SCUBE2: variants seen among roughly 807,000 people sequenced by gnomAD.
SCUBE2 encodes signal peptide, CUB domain and EGF like domain containing 2, also known as signal peptide, CUB and EGF-like domain-containing protein 2.
SCUBE2 carries 114 observed loss-of-function variants against 125.9 expected under a neutral mutation model. The observed-to-expected ratio is 0.91, with a 90% CI of 0.78 to 1.06. The LOEUF (loss-of-function observed/expected upper bound fraction) is 1.06, where lower values mean the gene tolerates loss of function less well. Ranked by LOEUF, SCUBE2 falls within the 50% of genes least tolerant of loss-of-function variation. The pLI is 0.00. For missense variants in SCUBE2, 1,255 were observed against 1,301.8 expected (o/e 0.96, Z 0.55); for synonymous variants, 459 against 492.9 (o/e 0.93, Z 0.91).
chr11:9,053,556 G>A, intron 11 of SCUBE2, 81 bp downstream of exon 11: 8 of 1,525,938 alleles, frequency 5.2e-6, no homozygotes, highest in Admixed American at 1.7e-5. Flanking sequence ...GGTCAGGTGG[G>A]ATGTGGGAGC....
In SCUBE2 at chr11:9,021,907, T is replaced by G. The variant is rs376369922; in HGVS notation, c.2903A>C (p.Tyr968Ser). The G allele has an allele frequency of 6.2e-7, 1 of 1,614,008 alleles. No homozygotes were observed. The highest frequency in any genetic ancestry group is 1.7e-5 in the Admixed American group (1 of 60,028). Residue 968 changes from tyrosine (Y) to serine (S), a missense_variant, in exon 22 of 23, where the codon TAT (tyrosine) becomes TCT (serine). Coordinates refer to ENST00000649792, the MANE Select transcript of SCUBE2 (RefSeq NM_001367977.2). ...IEDIVRDGRLYASENHQEILK... is the reference protein window; with the variant it reads ...IEDIVRDGRLSASENHQEILK... The stretch of plus-strand genomic sequence containing the variant: ...TATTTCCTGATGGTTCTCAGATGCA[T>G]AGAGCCTGCCATCTCGAACTATGTC...
intron 2 of SCUBE2, among the ~76,000 whole-genome samples, chr11:9,083,233 A>G (rs1056894703): frequency 2.0e-5 from 3 of 152,076 alleles, no homozygotes; most frequent in African/African-American, 7.2e-5. Flanking sequence ...AAACAAATGA[A>G]CCTAATGTAT....
intron 6 of SCUBE2, 107 bp from the exon 7 acceptor site, chr11:9,066,087 A>T (rs1002036084): frequency 1.3e-6 from 1 of 745,356 alleles, no homozygotes. Context: ...AATGAAAGAT[A>T]TGTGACTCTG....
intron 2 of SCUBE2, among the ~76,000 whole-genome samples, chr11:9,081,725 C>T (rs892467282): frequency 6.6e-6 from 1 of 152,152 alleles, no homozygotes; most frequent in Non-Finnish European, 1.5e-5. Flanking sequence ...GTTGCTTATC[C>T]ACTCATCTGT....
intron 17 of SCUBE2, 76 bp from the exon 18 acceptor site, chr11:9,031,001 C>T (rs1233526434): frequency 7.1e-7 from 1 of 1,411,300 alleles, no homozygotes. Flanking sequence ...ATGAGACCAA[C>T]TTCAGTCCAA....
At chr11:9,082,025 C>A (rs1160183804) in intron 2 of SCUBE2, among the ~76,000 whole-genome samples, 2 of 152,202 alleles carry the variant, frequency 1.3e-5, no homozygotes, top group Non-Finnish European at 2.9e-5. Flanking sequence ...TAGTAGCCAT[C>A]CTAATGGATA....
intron 1 of SCUBE2, among the ~76,000 whole-genome samples, 163 bp from the exon 2 acceptor site, chr11:9,089,992 G>C (rs183779879): frequency 1.3e-5 from 2 of 152,022 alleles, no homozygotes; most frequent in Admixed American, 1.3e-4. Flanking sequence ...CTGGGTCCCT[G>C]TTTCCAGGAA....
At chr11:9,030,215 G>C in intron 18 of SCUBE2, 170 bp from the exon 19 acceptor site, 1 of 673,510 alleles carries the variant, frequency 1.5e-6, no homozygotes, top group Non-Finnish European at 2.5e-6. Flanking sequence ...AGGCAGTGTG[G>C]ATGGGGCTCA....
intron 16 of SCUBE2, among the ~76,000 whole-genome samples, chr11:9,040,557 A>T (rs7108565): frequency 9.5e-5 from 3 of 31,720 alleles, no homozygotes; most frequent in South Asian, 1.4e-3. Context: ...GGTACACAGC[A>T]TGGGTACGTA....
Position 9,080,655 on chromosome 11 carries a change from A to T in SCUBE2, c.257-1146T>A, listed in dbSNP as rs191431406. Among the ~76,000 whole-genome samples the T allele has an allele frequency of 2.1e-3, 326 of 152,244 alleles. 1 individual carries two copies. The highest frequency in any genetic ancestry group is 1.9e-3 in the Non-Finnish European group (131 of 68,014). On this transcript the variant is annotated intron_variant, in intron 2 of 22. Transcript: ENST00000649792. The stretch of plus-strand genomic sequence containing the variant: ...CAGAGCAAGACCCTATCTCAAAAAA[A>T]AAAAAAGGAGAAAAAGAGAAAAATC...
chr11:9,019,724 T>C lies in SCUBE2; in HGVS notation c.*1321A>G, dbSNP rs1855160780. Among the ~76,000 whole-genome samples the C allele has an allele frequency of 6.6e-6, 1 of 152,196 alleles. No homozygotes were observed. Among genetic ancestry groups the C allele is most frequent in the South Asian group, 2.1e-4 (1 of 4,828 alleles). ...AAATGCTTGTTAAACATTTTTTTAG[T>C]ACTTTGGTATGGAGAATTGGCTGTG... On this transcript the variant is annotated 3_prime_UTR_variant, in exon 23 of 23. Transcript: ENST00000649792.
At chr11:9,048,243 T>A in intron 14 of SCUBE2, 145 bp from the exon 15 acceptor site, 1 of 716,780 alleles carries the variant, frequency 1.4e-6, no homozygotes, top group Non-Finnish European at 2.2e-6. Flanking sequence ...TGCAAGCCCT[T>A]AACTTGGAGC....
chr11:9,049,812 G>A (rs577488333), intron 14 of SCUBE2: 17 of 152,202 alleles, frequency 1.1e-4, no homozygotes, highest in African/African-American at 4.1e-4. Flanking sequence ...ATTTTCCTGT[G>A]TCATTAAACA....
At chr11:9,045,525 C>T (rs1007245825) in intron 16 of SCUBE2, among the ~76,000 whole-genome samples, 3 of 151,494 alleles carry the variant, frequency 2.0e-5, no homozygotes, top group Non-Finnish European at 1.5e-5. Context: ...ACTGTACCAT[C>T]CAGAGCTCAG....
Position 9,048,049 on chromosome 11 carries a change from G to T in SCUBE2, c.1689C>A (p.Cys563Ter). 6.2e-7 allele frequency: 1 copy of T among 1,614,162 alleles called. No individual in the cohort carries two copies. Among genetic ancestry groups the T allele is most frequent in the Non-Finnish European group, 8.5e-7 (1 of 1,179,998 alleles). The change falls in exon 15 of 23, where the codon TGC becomes TGA. Residue 563 changes from cysteine to a stop codon, truncating the protein, a stop_gained. Transcript: ENST00000649792. LOFTEE classifies it high-confidence loss of function. ...KESFRYVNLT[C>*]SSGKQVPGAP... is the part of the protein sequence containing the mutation. ...CTCCTGGGACTTGCTTGCCAGAGCT[G>T]CATGTAAGGTTTACGTAGCGGAAGC...
intron 13 of SCUBE2, among the ~76,000 whole-genome samples, chr11:9,051,938 G>T (rs2135453803): frequency 6.6e-6 from 1 of 152,276 alleles, no homozygotes; most frequent in African/African-American, 2.4e-5. Context: ...GGGCAGTGAA[G>T]GATAGTGCTT....
chr11:9,060,471 T>G lies in SCUBE2; in HGVS notation c.904A>C (p.Thr302Pro), dbSNP rs987005007. ...ACAGGACAACTGCAGTGGACACCTG[T>G]CGAAGTATCCTTACAGGTGCGGTCA... ...GCDRTCKDTS[T>P]GVHCSCPVGF... Residue 302 changes from threonine (T) to proline (P), a missense_variant, in exon 8 of 23, where the codon ACA (threonine) becomes CCA (proline). This residue lies in a region of SCUBE2 where 378 missense variants were observed against 463.1 expected (regional missense o/e 0.82). Transcript: ENST00000649792. 6.2e-7 allele frequency: 1 copy of G among 1,614,014 alleles called. No individual in the cohort carries two copies. The highest frequency in any genetic ancestry group is 1.3e-5 in the African/African-American group (1 of 74,946).
At chr11:9,023,297 G>T (rs919529793) in intron 21 of SCUBE2, among the ~76,000 whole-genome samples, 3 of 152,144 alleles carry the variant, frequency 2.0e-5, no homozygotes, top group African/African-American at 7.2e-5. Context: ...GGAAAGTAAT[G>T]GTATAATAGT....
At chr11:9,024,268 G>C (rs1002483537) in intron 21 of SCUBE2, 2 of 1,074,612 alleles carry the variant, frequency 1.9e-6, no homozygotes, top group Admixed American at 8.5e-5. Flanking sequence ...CCTGATTCCA[G>C]ATAGGAGAGG....
Sources: gnomAD v4.1 joint callset for allele counts (sites outside exome capture counted in the v4.1 genomes callset) on GRCh38, gnomAD v4.1.1 for gene constraint, gnomAD v4.1.1 regional missense constraint, MANE v1.5 for transcripts, NCBI Gene and HGNC (gene_info 2026-07-23, HGNC 2026-07-21) for gene names.